SKAP1: variants seen among roughly 807,000 people sequenced by gnomAD.
SKAP1 encodes the protein src kinase-associated phosphoprotein 1.
SKAP1 carries 44 observed loss-of-function variants against 58.5 expected under a neutral mutation model. The ratio of observed to expected loss-of-function variants is 0.75; its 90% CI spans 0.59 to 0.97. The LOEUF (loss-of-function observed/expected upper bound fraction) is 0.97, where lower values mean the gene tolerates loss of function less well. Among genes scored for constraint, SKAP1 ranks in the 50% least tolerant of loss-of-function variants. The probability of loss-of-function intolerance (pLI) is 0.00; values close to 1 mark genes in which losing one functional copy is unlikely to be tolerated. For synonymous variants in SKAP1, 127 were observed against 149.7 expected, an observed-to-expected ratio of 0.85 and a Z score of 1.11; for missense variants, 390 against 435.2, an observed-to-expected ratio of 0.90 and a Z score of 0.92.
At chr17:48,138,298 A>T (rs1481127779) in intron 11 of SKAP1, among the ~76,000 whole-genome samples, 1 of 150,542 alleles carries the variant, frequency 6.6e-6, no homozygotes, top group Non-Finnish European at 1.5e-5. Flanking sequence ...TCCGGCTCCC[A>T]CGTTCAAGCA....
At chr17:48,394,854 C>T (rs1186834351) in intron 2 of SKAP1, among the ~76,000 whole-genome samples, 1 of 152,200 alleles carries the variant, frequency 6.6e-6, no homozygotes, top group Non-Finnish European at 1.5e-5. Context: ...CAATTTCAAA[C>T]AGCTTGCCAA....
chr17:48,346,109 A>G (rs575347286), intron 3 of SKAP1, 103 bp from the exon 4 acceptor site: 5 of 566,148 alleles, frequency 8.8e-6, no homozygotes, highest in Middle Eastern at 7.7e-4. Context: ...CCAGTATTCG[A>G]AAAAAAAGTG....
intron 4 of SKAP1, among the ~76,000 whole-genome samples, chr17:48,334,551 C>T (rs1263736202): frequency 2.0e-5 from 3 of 151,616 alleles, no homozygotes; most frequent in African/African-American, 7.3e-5. Flanking sequence ...TAAAAATCCA[C>T]AATTTTATCT....
intron 4 of SKAP1, among the ~76,000 whole-genome samples, chr17:48,231,325 T>G (rs2065123765): frequency 6.6e-6 from 1 of 152,140 alleles, no homozygotes; most frequent in Non-Finnish European, 1.5e-5. Flanking sequence ...GACCAGTAAT[T>G]ATACCATTAT....
chr17:48,416,112 G>T (rs2067728672), intron 1 of SKAP1, among the ~76,000 whole-genome samples: 1 of 152,082 alleles, frequency 6.6e-6, no homozygotes, highest in African/African-American at 2.4e-5. Context: ...ATATCTAAGT[G>T]AACATTGGAA....
intron 1 of SKAP1, among the ~76,000 whole-genome samples, chr17:48,416,417 C>T (rs2067731932): frequency 6.6e-6 from 1 of 152,126 alleles, no homozygotes. Context: ...AGGAGGGACT[C>T]CCAGGGGTCC....
chr17:48,272,093 T>TA (rs1041037849), intron 4 of SKAP1, among the ~76,000 whole-genome samples: 1 of 152,010 alleles, frequency 6.6e-6, no homozygotes, highest in Non-Finnish European at 1.5e-5. Context: ...TTAAATATTA[T>TA]AAAAGCAGTA....
chr17:48,181,393 C>T (rs1428872227), intron 8 of SKAP1, among the ~76,000 whole-genome samples: 1 of 152,038 alleles, frequency 6.6e-6, no homozygotes, highest in Non-Finnish European at 1.5e-5. Context: ...TCCAAGGCAC[C>T]TAGATGAGAG....
the SKAP1 span, among the ~76,000 whole-genome samples, chr17:48,444,670 C>G: frequency 6.6e-6 from 1 of 152,204 alleles, no homozygotes; most frequent in Admixed American, 6.5e-5. Context: ...CCCCCACTTG[C>G]ACTAGTAACT....
chr17:48,219,492 T>A (rs1260373699), intron 4 of SKAP1, among the ~76,000 whole-genome samples: 1 of 152,226 alleles, frequency 6.6e-6, no homozygotes, highest in Admixed American at 6.5e-5. Flanking sequence ...CCCTCTAGAT[T>A]TCAGCATCCA....
At chr17:48,146,215 G>A (rs941081106) in intron 11 of SKAP1, among the ~76,000 whole-genome samples, 3 of 152,068 alleles carry the variant, frequency 2.0e-5, no homozygotes, top group Non-Finnish European at 2.9e-5. Flanking sequence ...AGGAGAGGCC[G>A]GAGACGGTGG....
intron 4 of SKAP1, among the ~76,000 whole-genome samples, chr17:48,234,400 T>G (rs1207085123): frequency 2.0e-5 from 3 of 152,248 alleles, no homozygotes; most frequent in Admixed American, 6.5e-5. Context: ...TATATGCTAA[T>G]GATTATGTCA....
intron 9 of SKAP1, among the ~76,000 whole-genome samples, chr17:48,173,770 C>T (rs1206109148): frequency 2.0e-5 from 3 of 152,158 alleles, no homozygotes; most frequent in Non-Finnish European, 4.4e-5. Flanking sequence ...AAATTGGATC[C>T]GAAGTTGGAG....
At chr17:48,200,103 T>G (rs2064706892) in intron 4 of SKAP1, among the ~76,000 whole-genome samples, 1 of 151,408 alleles carries the variant, frequency 6.6e-6, no homozygotes, top group Admixed American at 6.6e-5. Context: ...GCCTGGCCAA[T>G]ATGGTGAAAC....
At chr17:48,184,176 C>T (rs2064411575) in intron 7 of SKAP1, among the ~76,000 whole-genome samples, 1 of 152,074 alleles carries the variant, frequency 6.6e-6, no homozygotes, top group African/African-American at 2.4e-5. Context: ...TTTCTTGCCC[C>T]GACCAGGTCC....
intron 4 of SKAP1, among the ~76,000 whole-genome samples, chr17:48,320,744 T>C (rs1180290663): frequency 6.6e-6 from 1 of 150,746 alleles, no homozygotes; most frequent in Admixed American, 6.6e-5. Context: ...TGAGATCCCA[T>C]CTCTACCTCC....
At position 48,184,009 on chromosome 17, in the gene SKAP1, T is replaced by A. The variant is rs577726082; in HGVS notation, c.567+714A>T. 3.7e-3 allele frequency among the ~76,000 whole-genome samples: 516 copies of A among 138,856 alleles called. 4 individuals carry two copies. The highest frequency in any genetic ancestry group is 0.013 in the African/African-American group (481 of 37,720). 91.1% of individuals were successfully genotyped at this position (138,856 alleles called of 152,430 possible). A position where few individuals can be genotyped will look rare whatever the true frequency, so the allele number is the denominator to read the frequency against. ...AAAAGCAGGAAACAATACACACACA[T>A]GCAAACATACATTTTTGGTGAAAAT... On this transcript the variant is annotated intron_variant, in intron 7 of 12. Coordinates refer to ENST00000336915, the MANE Select transcript of SKAP1 (RefSeq NM_003726.4).
At chr17:48,276,775 C>G (rs2065706428) in intron 4 of SKAP1, among the ~76,000 whole-genome samples, 1 of 152,170 alleles carries the variant, frequency 6.6e-6, no homozygotes, top group Non-Finnish European at 1.5e-5. Context: ...ATCATCAGTA[C>G]TTTCAGAGGT....
chr17:48,193,640 G>T, intron 4 of SKAP1: 1 of 960,292 alleles, frequency 1.0e-6, no homozygotes, highest in Non-Finnish European at 1.2e-6. Context: ...ATCCACAGTG[G>T]CATGCAAGGT....
Sources: gnomAD v4.1 joint callset for allele counts (sites outside exome capture counted in the v4.1 genomes callset) on GRCh38, gnomAD v4.1.1 for gene constraint, MANE v1.5 for transcripts, NCBI Gene and HGNC (gene_info 2026-07-23, HGNC 2026-07-21) for gene names.